Variants in GRIK4 observed in about 807,000 individuals in gnomAD.
GRIK4 encodes glutamate receptor ionotropic, kainate 4.
A neutral mutation model predicts 104.9 loss-of-function variants in GRIK4; 40 were observed. The observed-to-expected ratio is 0.38, with a 90% CI of 0.30 to 0.50. The LOEUF (loss-of-function observed/expected upper bound fraction) is 0.50. Ranked by LOEUF, GRIK4 falls within the 20% of genes least tolerant of loss-of-function variation. The pLI is 0.93. For missense variants in GRIK4, 1,047 were observed against 1,308.1 expected (o/e 0.80, Z 3.08); for synonymous variants, 485 against 524.9 (o/e 0.92, Z 1.04).
At chr11:120,576,213 G>T (rs989155183) in intron 1 of GRIK4, among the ~76,000 whole-genome samples, 1 of 152,158 alleles carries the variant, frequency 6.6e-6, no homozygotes, top group Non-Finnish European at 1.5e-5. Context: ...TGATTCCAGT[G>T]GTCGAGGGGT....
intron 11 of GRIK4, among the ~76,000 whole-genome samples, chr11:120,878,236 C>T (rs1489569477): frequency 6.6e-6 from 1 of 152,138 alleles, no homozygotes; most frequent in African/African-American, 2.4e-5. Context: ...CCAGGATGAC[C>T]GAGAGTGCTT....
intron 13 of GRIK4, among the ~76,000 whole-genome samples, chr11:120,927,350 T>G (rs1329312951): frequency 6.6e-6 from 1 of 151,744 alleles, no homozygotes; most frequent in Non-Finnish European, 1.5e-5. Flanking sequence ...GCTGATCACT[T>G]GAGGTCAGAA....
At chr11:120,623,476 C>T (rs1949215355) in intron 1 of GRIK4, among the ~76,000 whole-genome samples, 1 of 152,110 alleles carries the variant, frequency 6.6e-6, no homozygotes, top group African/African-American at 2.4e-5. Context: ...GTGAACAAGC[C>T]CATGCTCTCT....
At chr11:120,588,481 A>G (rs1167515424) in intron 1 of GRIK4, among the ~76,000 whole-genome samples, 2 of 151,956 alleles carry the variant, frequency 1.3e-5, no homozygotes, top group African/African-American at 4.8e-5. Context: ...TTCCTTGGCT[A>G]ATTTTTGAGT....
intron 1 of GRIK4, among the ~76,000 whole-genome samples, chr11:120,635,804 TATATC>T (rs1427289151): frequency 6.6e-6 from 1 of 152,206 alleles, no homozygotes; most frequent in Non-Finnish European, 1.5e-5. Flanking sequence ...TTCACAAAAT[TATATC>T]AATCATCCCC....
chr11:120,678,550 G>A (rs1176166979), intron 3 of GRIK4, among the ~76,000 whole-genome samples: 1 of 152,090 alleles, frequency 6.6e-6, no homozygotes, highest in East Asian at 1.9e-4. Context: ...AGCACCAAGG[G>A]AAGGGGCCAA....
At chr11:120,821,890 T>C (rs1953135862) in intron 6 of GRIK4, among the ~76,000 whole-genome samples, 1 of 152,146 alleles carries the variant, frequency 6.6e-6, no homozygotes, top group Admixed American at 6.5e-5. Context: ...GATGGAAAAC[T>C]AAGCAGGGTC....
At chr11:120,957,097 A>T (rs1944172890) in intron 16 of GRIK4, 144 bp downstream of exon 16, 2 of 664,856 alleles carry the variant, frequency 3.0e-6, no homozygotes, top group Non-Finnish European at 4.9e-6. Context: ...GCTTTCTGCC[A>T]GCTCAGAAGC....
chr11:120,620,244 C>G (rs773039549), intron 1 of GRIK4: 14 of 760,578 alleles, frequency 1.8e-5, no homozygotes, highest in Non-Finnish European at 3.2e-5. Context: ...CACAGCCACC[C>G]TAATAGGTTT....
chr11:120,526,581 C>G (rs1947859901), intron 1 of GRIK4, among the ~76,000 whole-genome samples: 1 of 152,198 alleles, frequency 6.6e-6, no homozygotes, highest in African/African-American at 2.4e-5. Flanking sequence ...GCCTGTAATC[C>G]TAGCATTTTG....
chr11:120,653,338 T>TA (rs1949647966), intron 1 of GRIK4, among the ~76,000 whole-genome samples: 1 of 152,134 alleles, frequency 6.6e-6, no homozygotes, highest in African/African-American at 2.4e-5. Flanking sequence ...TTTCCCCTTA[T>TA]GGGAAAAGAG....
chr11:120,772,867 A>G (rs1301699519), intron 3 of GRIK4, among the ~76,000 whole-genome samples: 2 of 152,062 alleles, frequency 1.3e-5, no homozygotes, highest in Non-Finnish European at 2.9e-5. Context: ...TCATTCATTC[A>G]TCTAGTCATC....
intron 8 of GRIK4, among the ~76,000 whole-genome samples, chr11:120,850,947 C>T (rs977030005): frequency 2.6e-5 from 4 of 151,944 alleles, no homozygotes; most frequent in South Asian, 4.2e-4. Flanking sequence ...ATGTCAAAGG[C>T]GTCAACAGCT....
chr11:120,948,910 A>G (rs552943312), intron 14 of GRIK4, among the ~76,000 whole-genome samples: 1 of 152,160 alleles, frequency 6.6e-6, no homozygotes, highest in Admixed American at 6.5e-5. Context: ...ACAGGAGGAA[A>G]CAGAGACCTA....
At chr11:120,971,156 C>T (rs1036646832) in intron 19 of GRIK4, among the ~76,000 whole-genome samples, 10 of 152,134 alleles carry the variant, frequency 6.6e-5, no homozygotes, top group African/African-American at 2.2e-4. Flanking sequence ...CCCCAAGCTG[C>T]GAATGTGCCC....
At chr11:120,747,504 C>A (rs908347098) in intron 3 of GRIK4, among the ~76,000 whole-genome samples, 15 of 152,258 alleles carry the variant, frequency 9.9e-5, no homozygotes, top group African/African-American at 3.6e-4. Flanking sequence ...ACGGATTACC[C>A]TAGATGTAAA....
chr11:120,747,876 T>A (rs2135418712), intron 3 of GRIK4, among the ~76,000 whole-genome samples: 1 of 152,320 alleles, frequency 6.6e-6, no homozygotes, highest in Admixed American at 6.5e-5. Context: ...ACACACCAGT[T>A]TTCAAGCCTC....
intron 1 of GRIK4, among the ~76,000 whole-genome samples, chr11:120,615,274 T>G (rs1359883902): frequency 6.6e-6 from 1 of 152,212 alleles, no homozygotes; most frequent in Admixed American, 6.5e-5. Flanking sequence ...CTGGCTGCGC[T>G]CACCATCTGA....
At chr11:120,660,473 G>A in intron 3 of GRIK4, 73 bp downstream of exon 3, 1 of 1,185,760 alleles carries the variant, frequency 8.4e-7, no homozygotes, top group Non-Finnish European at 1.2e-6. Context: ...TGAGAGTGCT[G>A]CACAGGACTT....
Sources: gnomAD v4.1 joint callset for allele counts (sites outside exome capture counted in the v4.1 genomes callset) on GRCh38, gnomAD v4.1.1 for gene constraint, MANE v1.5 for transcripts, NCBI Gene and HGNC (gene_info 2026-07-23, HGNC 2026-07-21) for gene names.